Variants in CDK14 observed in about 807,000 individuals in gnomAD.
CDK14 encodes cyclin-dependent kinase 14.
A neutral mutation model predicts 60.7 loss-of-function variants in CDK14; 34 were observed. The ratio of observed to expected loss-of-function variants is 0.56; its 90% confidence interval spans 0.43 to 0.75. The LOEUF (loss-of-function observed/expected upper bound fraction) is 0.75, where lower values mean the gene tolerates loss of function less well. CDK14 is among the 30% of genes least tolerant of loss of function. The pLI, the probability that CDK14 is intolerant of heterozygous loss-of-function variation, is 0.00. For synonymous variants in CDK14, 197 were observed against 203.7 expected (o/e 0.97, Z 0.28); for missense variants, 482 against 564.1 (o/e 0.85, Z 1.47).
intron 14 of CDK14, among the ~76,000 whole-genome samples, chr7:91,171,105 T>G (rs1375633611): frequency 6.6e-6 from 1 of 152,088 alleles, no homozygotes; most frequent in Admixed American, 6.5e-5. Context: ...ATCCCAGCAC[T>G]GTGGGAGGCC....
chr7:90,921,246 A>G (rs1170035480), intron 8 of CDK14, among the ~76,000 whole-genome samples: 6 of 152,052 alleles, frequency 3.9e-5, no homozygotes, highest in African/African-American at 9.6e-5. Flanking sequence ...ACTTCTTTCC[A>G]CTAGAGGCTT....
At chr7:91,145,922 ATTTAT>A (rs143292034) in intron 14 of CDK14, among the ~76,000 whole-genome samples, 2,008 of 19,408 alleles carry the variant, frequency 0.1, 43 homozygotes, top group African/African-American at 0.15. Flanking sequence ...GGCTTGCTTT[ATTTAT>A]TTATTTATTT....
intron 4 of CDK14, among the ~76,000 whole-genome samples, chr7:90,747,995 T>C (rs1803664673): frequency 6.6e-6 from 1 of 151,744 alleles, no homozygotes; most frequent in African/African-American, 2.4e-5. Context: ...TATTTTTCTG[T>C]TTAATGCGCC....
At chr7:90,771,763 G>A (rs572941228) in intron 4 of CDK14, among the ~76,000 whole-genome samples, 1 of 152,290 alleles carries the variant, frequency 6.6e-6, no homozygotes, top group East Asian at 1.9e-4. Flanking sequence ...TGTACTGAAC[G>A]AGAATGGACA....
intron 12 of CDK14, among the ~76,000 whole-genome samples, chr7:91,088,100 A>G (rs1248363561): frequency 1.3e-5 from 2 of 152,324 alleles, no homozygotes; most frequent in Non-Finnish European, 2.9e-5. Flanking sequence ...GGATCTGGGC[A>G]TCCATTTGGC....
At chr7:90,637,176 G>A (rs950254403) in intron 2 of CDK14, among the ~76,000 whole-genome samples, 1 of 151,606 alleles carries the variant, frequency 6.6e-6, no homozygotes, top group South Asian at 2.1e-4. Flanking sequence ...CCTTCTGCTA[G>A]CTTTTGAATG....
chr7:91,062,420 C>G (rs931090900), intron 11 of CDK14, among the ~76,000 whole-genome samples: 1 of 152,000 alleles, frequency 6.6e-6, no homozygotes, highest in Non-Finnish European at 1.5e-5. Context: ...CACCCACTCT[C>G]CGACATTCAC....
In CDK14 at chr7:90,773,958, C is replaced by T. The variant is rs189911862; in HGVS notation, c.465-16615C>T. Among the ~76,000 whole-genome samples, 1,163 of 134,818 alleles carry T rather than the reference C, an allele frequency of 8.6e-3. 8 individuals carry two copies. Among genetic ancestry groups the T allele is most frequent in the Non-Finnish European group, 0.012 (811 of 65,196 alleles). The allele number at this position is 134,818 out of a possible 152,430, so 88.4% of individuals were successfully genotyped here. A position where few individuals can be genotyped will look rare whatever the true frequency, so the allele number is the denominator to read the frequency against. On this transcript the variant is annotated intron_variant, in intron 4 of 14. Transcript: ENST00000380050. Reference sequence around the variant, plus strand: ...TTGCTCTGTTGCCCAGGTTGGAGTGCAGTTGTGCGATCCCAGCTCACTGCA... The same window carrying T: ...TTGCTCTGTTGCCCAGGTTGGAGTGTAGTTGTGCGATCCCAGCTCACTGCA...
chr7:90,910,171 A>G (rs961847394), intron 7 of CDK14, among the ~76,000 whole-genome samples: 22 of 152,162 alleles, frequency 1.4e-4, no homozygotes, highest in African/African-American at 5.1e-4. Context: ...CTCTTTTTTT[A>G]TATCTCTGTA....
At chr7:91,048,937 C>T (rs1003283865) in intron 11 of CDK14, among the ~76,000 whole-genome samples, 43 of 152,004 alleles carry the variant, frequency 2.8e-4, no homozygotes, top group African/African-American at 8.9e-4. Context: ...TGCAGTGGTG[C>T]GATTACAACT....
Position 91,071,618 on chromosome 7 carries a change from G to A in CDK14, c.1106-7814G>A, listed in dbSNP as rs1798150434. The stretch of plus-strand genomic sequence containing the variant: ...TGCTCAGATTCTCAACAGCCACTAA[G>A]CTAGAATCTGCTTAAGCCTGCCAAG... On this transcript the variant is annotated intron_variant, in intron 11 of 14. Coordinates refer to ENST00000380050, the MANE Select transcript of CDK14 (RefSeq NM_001287135.2). Among the ~76,000 whole-genome samples the A allele has an allele frequency of 4.6e-5, 7 of 152,230 alleles. 1 individual carries two copies. The highest frequency in any genetic ancestry group is 4.6e-4 in the Admixed American group (7 of 15,288).
chr7:90,963,405 A>G (rs1454282143), intron 9 of CDK14, among the ~76,000 whole-genome samples: 3 of 151,880 alleles, frequency 2.0e-5, no homozygotes. Context: ...CAAGAGTGAG[A>G]CCTACAAAAA....
intron 11 of CDK14, among the ~76,000 whole-genome samples, chr7:91,076,353 A>G (rs969190050): frequency 1.3e-5 from 2 of 151,808 alleles, no homozygotes; most frequent in African/African-American, 4.8e-5. Flanking sequence ...CCACACATCT[A>G]TAACCATCTG....
intron 2 of CDK14, among the ~76,000 whole-genome samples, chr7:90,702,404 C>T (rs915025719): frequency 1.3e-5 from 2 of 152,094 alleles, no homozygotes; most frequent in Non-Finnish European, 2.9e-5. Context: ...CCCAGTGATA[C>T]TGAACTGTTA....
chr7:90,684,986 A>G (rs1426470600), intron 2 of CDK14, among the ~76,000 whole-genome samples: 1 of 134,198 alleles, frequency 7.5e-6, no homozygotes, highest in Non-Finnish European at 1.6e-5. Flanking sequence ...TTTTATGCAT[A>G]GATTTTTTTT....
chr7:90,817,586 TTTTG>T (rs546608823), intron 5 of CDK14, among the ~76,000 whole-genome samples: 91 of 152,302 alleles, frequency 6.0e-4, no homozygotes, highest in South Asian at 3.7e-3. Context: ...CTGTAGGAAT[TTTTG>T]TTTGTTTGTT....
At chr7:90,649,433 C>CCT (rs1554427258) in intron 2 of CDK14, among the ~76,000 whole-genome samples, 1 of 68,012 alleles carries the variant, frequency 1.5e-5, no homozygotes, top group Non-Finnish European at 2.6e-5. Flanking sequence ...TTCTTTCTTT[C>CCT]TCTTTCCTTC....
At position 91,062,091 on chromosome 7, in the gene CDK14, C is replaced by T. The variant is rs539028187; in HGVS notation, c.1105+16131C>T. 6.8e-4 allele frequency among the ~76,000 whole-genome samples: 104 copies of T among 152,312 alleles called. 2 individuals carry two copies. The South Asian group carries it at 0.019, about 29-fold the overall frequency. On this transcript the variant is annotated intron_variant, in intron 11 of 14. Coordinates refer to ENST00000380050, the MANE Select transcript of CDK14 (RefSeq NM_001287135.2). ...CTGCTTTGTTTACCTACTCAAGCCT[C>T]GGCAATGGTGGGCACCCCTCCCCCA... is the stretch of plus-strand genomic sequence containing the variant.
chr7:90,790,711 T>G (rs1207034693), intron 5 of CDK14, 59 bp downstream of exon 5: 1 of 1,084,194 alleles, frequency 9.2e-7, no homozygotes, highest in African/African-American at 1.6e-5. Flanking sequence ...GTAGCTATTT[T>G]AATATTATAC....
Sources: gnomAD v4.1 joint callset for allele counts (sites outside exome capture counted in the v4.1 genomes callset) on GRCh38, gnomAD v4.1.1 for gene constraint, MANE v1.5 for transcripts, NCBI Gene and HGNC (gene_info 2026-07-23, HGNC 2026-07-21) for gene names.